The following VWA8 variants were observed in gnomAD, a reference collection of about 807,000 sequenced individuals.
VWA8 encodes von Willebrand factor A domain containing 8.
VWA8 carries 221 observed loss-of-function variants against 241.5 expected under a neutral mutation model. The ratio of observed to expected loss-of-function variants is 0.91; its 90% CI spans 0.82 to 1.02. The LOEUF is 1.02. Ranked by LOEUF, VWA8 falls within the 50% of genes least tolerant of loss-of-function variation. VWA8 has a pLI of 0.00. For synonymous variants in VWA8, 852 were observed against 827.1 expected, an observed-to-expected ratio of 1.03 and a Z score of -0.52; for missense variants, 2,322 against 2,328.7, an observed-to-expected ratio of 1.00 and a Z score of 0.06.
chr13:41,668,526 C>G (rs1298797944), intron 37 of VWA8, among the ~76,000 whole-genome samples: 1 of 152,094 alleles, frequency 6.6e-6, no homozygotes, highest in Non-Finnish European at 1.5e-5. Flanking sequence ...TGAAGAATAG[C>G]TTGAAAGATC....
At chr13:41,881,861 C>A (rs1593841728) in intron 9 of VWA8, among the ~76,000 whole-genome samples, 2 of 136,390 alleles carry the variant, frequency 1.5e-5, no homozygotes, top group South Asian at 2.3e-4. Flanking sequence ...GGGGGCTGAC[C>A]CCCCCACCTC....
chr13:41,784,363 A>C (rs968825208), intron 18 of VWA8, among the ~76,000 whole-genome samples: 3 of 151,804 alleles, frequency 2.0e-5, no homozygotes, highest in African/African-American at 7.3e-5. Context: ...CTACCACAGA[A>C]CTCTTAAATT....
At chr13:41,608,352 T>C (rs1353012826) in intron 39 of VWA8, among the ~76,000 whole-genome samples, 1 of 152,148 alleles carries the variant, frequency 6.6e-6, no homozygotes, top group Admixed American at 6.5e-5. Context: ...TTTTAGCCTC[T>C]GGATCAAATG....
intron 37 of VWA8, among the ~76,000 whole-genome samples, chr13:41,651,747 C>T (rs548631615): frequency 7.3e-4 from 111 of 152,228 alleles, no homozygotes; most frequent in African/African-American, 2.6e-3. Flanking sequence ...TGTGGGCCTA[C>T]AGAAAAAGGT....
chr13:41,745,458 T>C (rs2045598501), intron 21 of VWA8, among the ~76,000 whole-genome samples: 1 of 152,140 alleles, frequency 6.6e-6, no homozygotes, highest in African/African-American at 2.4e-5. Flanking sequence ...AATTTACCCA[T>C]CTGACAAAGG....
intron 40 of VWA8, among the ~76,000 whole-genome samples, chr13:41,592,286 A>G (rs2044460485): frequency 8.1e-6 from 1 of 124,086 alleles, no homozygotes; most frequent in African/African-American, 3.1e-5. Flanking sequence ...TGGACACAGG[A>G]AGGGGAACAT....
intron 16 of VWA8, among the ~76,000 whole-genome samples, chr13:41,812,522 T>C (rs1350451004): frequency 6.6e-6 from 1 of 152,070 alleles, no homozygotes; most frequent in Non-Finnish European, 1.5e-5. Context: ...TAACAAAGGG[T>C]TCAGAATGGA....
At chr13:41,862,657 C>T (rs1873057273) in intron 12 of VWA8, among the ~76,000 whole-genome samples, 1 of 152,096 alleles carries the variant, frequency 6.6e-6, no homozygotes, top group South Asian at 2.1e-4. Context: ...TACATGCAGC[C>T]AATGAATATA....
At chr13:41,727,044 C>T (rs2045441297) in intron 24 of VWA8, 150 bp downstream of exon 24, 1 of 656,034 alleles carries the variant, frequency 1.5e-6, no homozygotes, top group Non-Finnish European at 2.4e-6. Flanking sequence ...AGATATTTTT[C>T]TTCACTAAAA....
In VWA8 at chr13:41,699,163, G is replaced by A. The variant is rs1301802937; in HGVS notation, c.3472C>T (p.Pro1158Ser). 10 of 1,613,930 alleles carry A rather than the reference G, an allele frequency of 6.2e-6. No homozygotes were observed. The South Asian group carries it at 9.9e-5, about 16-fold the overall frequency. ...TGCCAAACGCCATTGGCTGTTCTTG[G>A]GAAGATATCAAAAAAGTCCACAAAG... The part of the protein sequence containing the change: ...GFFVDFFDIF[P>S]RTANGVWHPF... Residue 1158 changes from proline to serine, a missense_variant, in exon 29 of 45, where the codon CCA becomes TCA. Physicochemically the swap from Pro to Ser is moderately conservative, Grantham distance 74 (BLOSUM62 -1). Coordinates refer to ENST00000379310, the MANE Select transcript of VWA8 (RefSeq NM_015058.2).
intron 21 of VWA8, among the ~76,000 whole-genome samples, chr13:41,760,903 T>C (rs937467432): frequency 1.3e-5 from 2 of 152,036 alleles, no homozygotes; most frequent in Admixed American, 1.3e-4. Flanking sequence ...TCACTCTCTG[T>C]CCACAGAATA....
intron 4 of VWA8, among the ~76,000 whole-genome samples, chr13:41,907,373 A>C (rs1338096759): frequency 6.6e-6 from 1 of 152,248 alleles, no homozygotes; most frequent in Non-Finnish European, 1.5e-5. Context: ...ACGTTTTAGA[A>C]CCATTAATTT....
intron 19 of VWA8, among the ~76,000 whole-genome samples, chr13:41,780,835 C>T (rs1363052490): frequency 6.6e-6 from 1 of 152,138 alleles, no homozygotes; most frequent in Non-Finnish European, 1.5e-5. Context: ...GTGTTTCCAA[C>T]CATGGGCACG....
intron 20 of VWA8, among the ~76,000 whole-genome samples, chr13:41,766,303 TCC>T (rs753240643): frequency 1.3e-5 from 2 of 151,916 alleles, no homozygotes; most frequent in Non-Finnish European, 2.9e-5. Flanking sequence ...CAAAACTCTA[TCC>T]ATGTTCCATC....
intron 26 of VWA8, among the ~76,000 whole-genome samples, chr13:41,716,794 T>G (rs1171517891): frequency 2.0e-5 from 3 of 152,060 alleles, no homozygotes; most frequent in Non-Finnish European, 4.4e-5. Flanking sequence ...TTTATCCTTC[T>G]TCCTTAGGAA....
intron 43 of VWA8, among the ~76,000 whole-genome samples, chr13:41,574,135 A>AAAAC (rs1316985072): frequency 1.3e-5 from 2 of 151,730 alleles, no homozygotes; most frequent in Non-Finnish European, 1.5e-5. Flanking sequence ...TGAAAACATA[A>AAAAC]AAACAAAACA....
chr13:41,687,399 C>A (rs1054031294), intron 34 of VWA8, among the ~76,000 whole-genome samples: 1 of 152,110 alleles, frequency 6.6e-6, no homozygotes, highest in Non-Finnish European at 1.5e-5. Flanking sequence ...AAAAGTTATA[C>A]AAGTAATAAT....
At chr13:41,851,382 GTTTA>G (rs1872526832) in intron 12 of VWA8, among the ~76,000 whole-genome samples, 1 of 152,140 alleles carries the variant, frequency 6.6e-6, no homozygotes. Flanking sequence ...TGTCCTCCAG[GTTTA>G]TTTACATTAT....
intron 2 of VWA8, among the ~76,000 whole-genome samples, chr13:41,931,880 T>A (rs1315754986): frequency 6.6e-6 from 1 of 152,114 alleles, no homozygotes; most frequent in Non-Finnish European, 1.5e-5. Flanking sequence ...TGTTTCCAAT[T>A]AATGGCTTCA....
Sources: allele counts gnomAD v4.1 joint callset (sites outside exome capture counted in the v4.1 genomes callset), GRCh38; gene constraint gnomAD v4.1.1; transcripts MANE v1.5; gene names NCBI Gene and HGNC (gene_info 2026-07-23, HGNC 2026-07-21).